NPHP1: variants seen among roughly 807,000 people sequenced by gnomAD.
NPHP1 encodes the protein nephrocystin-1.
A neutral mutation model predicts 90.4 loss-of-function variants in NPHP1; 70 were observed. The ratio of observed to expected loss-of-function variants is 0.77; its 90% CI spans 0.64 to 0.95. The LOEUF is 0.95. Ranked by LOEUF, NPHP1 falls within the 40% of genes least tolerant of loss-of-function variation. The pLI is 0.00. For missense variants in NPHP1, 764 were observed against 795.9 expected, an observed-to-expected ratio of 0.96 and a Z score of 0.48; for synonymous variants, 256 against 271.7, an observed-to-expected ratio of 0.94 and a Z score of 0.57.
At chr2:110,141,845 C>T (rs972776931) in intron 16 of NPHP1, among the ~76,000 whole-genome samples, 5 of 151,664 alleles carry the variant, frequency 3.3e-5, no homozygotes, top group East Asian at 1.9e-4. Flanking sequence ...TGGTGGCGGG[C>T]GCCTGTAGTC....
intron 2 of NPHP1, among the ~76,000 whole-genome samples, chr2:110,195,229 C>T (rs1002604028): frequency 1.3e-5 from 2 of 152,120 alleles, no homozygotes; most frequent in Non-Finnish European, 2.9e-5. Flanking sequence ...TCCCTGTTTG[C>T]AGATGACATG....
At chr2:110,189,867 CCT>C (rs2104661890) in intron 2 of NPHP1, among the ~76,000 whole-genome samples, 1 of 152,032 alleles carries the variant, frequency 6.6e-6, no homozygotes, top group South Asian at 2.1e-4. Flanking sequence ...ATTCACAAAC[CCT>C]GAGTTAGACA....
At chr2:110,185,214 T>C in intron 2 of NPHP1, 1 of 524,194 alleles carries the variant, frequency 1.9e-6, no homozygotes, top group Non-Finnish European at 3.8e-6. Context: ...CTCTCTGAAG[T>C]TAACTCCACT....
At chr2:110,204,402 C>T (rs1685783220) in intron 1 of NPHP1, among the ~76,000 whole-genome samples, 1 of 152,156 alleles carries the variant, frequency 6.6e-6, no homozygotes, top group Non-Finnish European at 1.5e-5. Flanking sequence ...TTTATCAGAT[C>T]TTAATGTTCT....
At chr2:110,202,613 T>C in intron 1 of NPHP1, 1 of 253,128 alleles carries the variant, frequency 4.0e-6, no homozygotes, top group Non-Finnish European at 8.4e-6. Context: ...ATAATCATTT[T>C]TATAGTTTCC....
intron 2 of NPHP1, among the ~76,000 whole-genome samples, chr2:110,200,124 G>A (rs12614572): frequency 0.3 from 45,046 of 151,758 alleles, 7,299 homozygotes; most frequent in East Asian, 0.54. Context: ...GCATGGTGGC[G>A]GGCACCTGTA....
intron 2 of NPHP1, among the ~76,000 whole-genome samples, chr2:110,199,115 C>G (rs946374931): frequency 5.9e-5 from 9 of 151,892 alleles, no homozygotes; most frequent in Admixed American, 3.9e-4. Context: ...AATTCGAGAA[C>G]AAGAGAAAAC....
At chr2:110,170,610 C>T (rs745597505) in intron 4 of NPHP1, among the ~76,000 whole-genome samples, 2 of 152,056 alleles carry the variant, frequency 1.3e-5, no homozygotes, top group African/African-American at 2.4e-5. Context: ...AGACATGATT[C>T]CCCATCCTCA....
intron 11 of NPHP1, among the ~76,000 whole-genome samples, chr2:110,159,739 G>T (rs1404043812): frequency 6.6e-6 from 1 of 151,602 alleles, no homozygotes; most frequent in Non-Finnish European, 1.5e-5. Context: ...ATCAACTTTT[G>T]TCTTTTTTAA....
At chr2:110,170,539 C>T (rs1683049139) in intron 4 of NPHP1, among the ~76,000 whole-genome samples, 3 of 152,106 alleles carry the variant, frequency 2.0e-5, no homozygotes, top group Admixed American at 2.0e-4. Context: ...ATGATGATGA[C>T]ACTGATGCTG....
At chr2:110,126,517 G>A (rs1375999996) in intron 18 of NPHP1, 1 of 152,446 alleles carries the variant, frequency 6.6e-6, no homozygotes. Flanking sequence ...ATTTTGGAAT[G>A]TTCATACCTA....
intron 6 of NPHP1, among the ~76,000 whole-genome samples, chr2:110,167,001 C>T (rs1017796730): frequency 6.6e-6 from 1 of 151,994 alleles, no homozygotes; most frequent in African/African-American, 2.4e-5. Flanking sequence ...AGCAAAACAA[C>T]TCAATATTTT....
intron 2 of NPHP1, among the ~76,000 whole-genome samples, chr2:110,189,012 G>T (rs949692807): frequency 1.3e-5 from 2 of 152,072 alleles, no homozygotes; most frequent in Non-Finnish European, 2.9e-5. Context: ...ATAGATTAAA[G>T]ACTTAAATGT....
intron 2 of NPHP1, among the ~76,000 whole-genome samples, chr2:110,185,406 G>A (rs1160999177): frequency 1.3e-5 from 2 of 152,196 alleles, no homozygotes; most frequent in Non-Finnish European, 2.9e-5. Context: ...ACCATTAACT[G>A]GCTCCTGACA....
At chr2:110,170,978 C>A (rs754265245) in intron 4 of NPHP1, among the ~76,000 whole-genome samples, 1 of 151,840 alleles carries the variant, frequency 6.6e-6, no homozygotes, top group Non-Finnish European at 1.5e-5. Context: ...TTAAAGTCGC[C>A]CCTAAAAATG....
Position 110,165,151 on chromosome 2 carries a change from T to C in NPHP1, c.629A>G (p.Tyr210Cys), listed in dbSNP as rs1273893174. 2 of 1,611,142 alleles carry C rather than the reference T, an allele frequency of 1.2e-6. No homozygotes were observed. The highest frequency in any genetic ancestry group is 4.5e-5 in the East Asian group (2 of 44,798). ...GLVPRTYLEP[Y>C]SEEEEGQESS... is the part of the protein sequence containing the mutation. ...CTCTTGGCCTTCTTCTTCTTCACTA[T>C]AAGGCTAAAAAACCATTGAAATGTG... The change falls in exon 7 of 20, where the codon TAT (tyrosine) becomes TGT (cysteine). Residue 210 changes from tyrosine (Y) to cysteine (C), a missense_variant. Tyr to Cys is a radical substitution (Grantham distance 194). Transcript: ENST00000445609.
At chr2:110,129,112 C>CCAGATG in intron 18 of NPHP1, 74 bp downstream of exon 18, 1 of 1,135,658 alleles carries the variant, frequency 8.8e-7, no homozygotes, top group Non-Finnish European at 1.3e-6. Flanking sequence ...AAGGCCTAGA[C>CCAGATG]AGAACTCATT....
intron 17 of NPHP1, among the ~76,000 whole-genome samples, chr2:110,129,815 A>G (rs1310277564): frequency 6.6e-6 from 1 of 152,222 alleles, no homozygotes; most frequent in Non-Finnish European, 1.5e-5. Flanking sequence ...GAGGGAGAAT[A>G]TTGACATTTC....
At chr2:110,185,523 C>T (rs988492339) in intron 2 of NPHP1, among the ~76,000 whole-genome samples, 2 of 152,130 alleles carry the variant, frequency 1.3e-5, no homozygotes, top group African/African-American at 2.4e-5. Flanking sequence ...TAAACCACCC[C>T]CTGGGAGACC....
Sources: allele counts gnomAD v4.1 joint callset (sites outside exome capture counted in the v4.1 genomes callset), GRCh38; gene constraint gnomAD v4.1.1; transcripts MANE v1.5; gene names NCBI Gene and HGNC (gene_info 2026-07-23, HGNC 2026-07-21).